Variants in CEMIP observed in about 807,000 individuals in gnomAD.
CEMIP encodes the protein cell migration inducing hyaluronidase 1.
In CEMIP, 105 loss-of-function variants were observed where a neutral mutation model predicts 156.9. The ratio of observed to expected loss-of-function variants is 0.67; its 90% CI spans 0.57 to 0.79. CEMIP has a LOEUF of 0.79. Among genes scored for constraint, CEMIP ranks in the 30% least tolerant of loss-of-function variants. The probability of loss-of-function intolerance (pLI) is 0.00; values close to 1 mark genes in which losing one functional copy is unlikely to be tolerated. For missense variants in CEMIP, 1,457 were observed against 1,769.4 expected, an observed-to-expected ratio of 0.82 and a Z score of 3.17; for synonymous variants, 676 against 668.4, an observed-to-expected ratio of 1.01 and a Z score of -0.17.
rs144868917 is a variant in CEMIP at position 80,808,344 on chromosome 15, C to T, written c.-176+28730C>T. Among the ~76,000 whole-genome samples the T allele has an allele frequency of 2.5e-3, 381 of 152,258 alleles. 2 individuals are homozygous for T. Among genetic ancestry groups the T allele is most frequent in the African/African-American group, 8.2e-3 (342 of 41,550 alleles). Reference sequence around the variant, plus strand: ...TGTAAATGGAAGGTATTACATACAGCGCATCTGCCCCCCACTGCCCCCACT... The same window carrying T: ...TGTAAATGGAAGGTATTACATACAGTGCATCTGCCCCCCACTGCCCCCACT... On this transcript the variant is annotated intron_variant, in intron 1 of 29. Transcript: ENST00000394685.
intron 1 of CEMIP, among the ~76,000 whole-genome samples, chr15:80,798,350 T>G (rs1896286188): frequency 6.6e-6 from 1 of 152,200 alleles, no homozygotes; most frequent in South Asian, 2.1e-4. Context: ...AACATCAAAT[T>G]TTTCTAAATT....
At chr15:80,783,375 C>A (rs1895845897) in intron 1 of CEMIP, among the ~76,000 whole-genome samples, 1 of 152,138 alleles carries the variant, frequency 6.6e-6, no homozygotes, top group East Asian at 1.9e-4. Flanking sequence ...TGGCACATAC[C>A]CAGGTGTTTG....
chr15:80,923,717 A>T (rs1300893954), intron 17 of CEMIP, among the ~76,000 whole-genome samples: 4 of 152,134 alleles, frequency 2.6e-5, no homozygotes. Flanking sequence ...TTGACTCCAC[A>T]TCCACAGTGA....
At chr15:80,921,971 G>A (rs1307838243) in intron 16 of CEMIP, 38 bp from the exon 17 acceptor site, 4 of 1,613,354 alleles carry the variant, frequency 2.5e-6, no homozygotes, top group Non-Finnish European at 3.4e-6. Context: ...CTCTGGGGCT[G>A]AACGCTGTGG....
At chr15:80,843,729 T>C (rs1008188670) in intron 1 of CEMIP, among the ~76,000 whole-genome samples, 2 of 152,204 alleles carry the variant, frequency 1.3e-5, no homozygotes, top group Non-Finnish European at 2.9e-5. Context: ...TCCATCTCTA[T>C]CAGCTCATGG....
At chr15:80,884,094 C>T (rs945255480) in intron 6 of CEMIP, 81 bp from the exon 7 acceptor site, 23 of 1,359,218 alleles carry the variant, frequency 1.7e-5, no homozygotes, top group Admixed American at 1.3e-4. Context: ...TGTTAGCTGT[C>T]GCAGCACAGG....
chr15:80,801,130 T>C (rs1896365473), intron 1 of CEMIP, among the ~76,000 whole-genome samples: 1 of 152,244 alleles, frequency 6.6e-6, no homozygotes, highest in South Asian at 2.1e-4. Flanking sequence ...TCCCCTTCTC[T>C]GTGAAGAGTT....
At chr15:80,941,114 G>A (rs1901319051) in intron 25 of CEMIP, among the ~76,000 whole-genome samples, 1 of 152,148 alleles carries the variant, frequency 6.6e-6, no homozygotes, top group African/African-American at 2.4e-5. Context: ...GGGCATTGTG[G>A]TGCAAACCCA....
chr15:80,903,099 C>T (rs550299761), intron 12 of CEMIP: 1 of 152,352 alleles, frequency 6.6e-6, no homozygotes, highest in Middle Eastern at 3.4e-3. Context: ...TATCTTACCT[C>T]TGCAGCCACG....
At position 80,922,005 on chromosome 15, in the gene CEMIP, A is replaced by T. The variant is rs1900491161; in HGVS notation, c.2074-4A>T. ...GGCTTTTCCCTTGTGTCCTTCCCCA[A>T]CAGGAAACTGGATTTTGGTTTATTT... is the stretch of plus-strand genomic sequence containing the variant. On this transcript the variant is annotated splice_polypyrimidine_tract_variant and splice_region_variant and intron_variant, in intron 16 of 29. Transcript: ENST00000394685. 1.2e-6 allele frequency: 2 copies of T among 1,614,020 alleles called. No homozygotes were observed. Among genetic ancestry groups the T allele is most frequent in the Admixed American group, 3.3e-5 (2 of 60,008 alleles).
At chr15:80,865,458 G>A (rs1477656829) in intron 1 of CEMIP, among the ~76,000 whole-genome samples, 2 of 152,110 alleles carry the variant, frequency 1.3e-5, no homozygotes, top group Admixed American at 6.5e-5. Flanking sequence ...GGGATTATAG[G>A]CGTGAGCCAC....
rs567981792 is a variant in CEMIP, at chr15:80,929,139, C to T, written c.2577C>T (p.Gly859=). Residue 859 remains glycine (G), a synonymous_variant, in exon 21 of 30, where the codon GGC becomes GGT. Transcript: ENST00000394685. ...MMDNRIWGPG[G]LDHSGRTLPI... is the part of the protein sequence containing the mutation. ...ACAATAGGATCTGGGGCCCTGGCGG[C>T]TTGGACCATAGCGGAAGGACCCTCC... 6.2e-6 allele frequency: 10 copies of T among 1,614,094 alleles called. No individual in the cohort carries two copies. The highest frequency in any genetic ancestry group is 8.5e-6 in the Non-Finnish European group (10 of 1,180,042).
intron 1 of CEMIP, among the ~76,000 whole-genome samples, chr15:80,780,472 C>A (rs559205759): frequency 3.4e-4 from 52 of 152,330 alleles, no homozygotes; most frequent in African/African-American, 1.1e-3. Flanking sequence ...CGCCCTGGGT[C>A]CTCAGCCGCA....
intron 1 of CEMIP, among the ~76,000 whole-genome samples, chr15:80,845,464 T>C (rs888632228): frequency 2.6e-5 from 4 of 152,194 alleles, no homozygotes; most frequent in African/African-American, 9.7e-5. Flanking sequence ...TGAGCAAATA[T>C]GGTGCTACAT....
At chr15:80,782,054 G>A (rs1232764967) in intron 1 of CEMIP, among the ~76,000 whole-genome samples, 1 of 152,162 alleles carries the variant, frequency 6.6e-6, no homozygotes, top group African/African-American at 2.4e-5. Flanking sequence ...AAGACAAATG[G>A]AAGAACTTTT....
chr15:80,832,575 C>T (rs1897181160), intron 1 of CEMIP, among the ~76,000 whole-genome samples: 1 of 152,068 alleles, frequency 6.6e-6, no homozygotes, highest in Admixed American at 6.5e-5. Flanking sequence ...TCATACATGT[C>T]AGGATTTGCC....
chr15:80,787,016 T>C (rs1895957453), intron 1 of CEMIP, among the ~76,000 whole-genome samples: 1 of 152,204 alleles, frequency 6.6e-6, no homozygotes, highest in African/African-American at 2.4e-5. Context: ...GCAAGTCAGA[T>C]AGACAGGAAT....
At chr15:80,781,849 A>G (rs1895806922) in intron 1 of CEMIP, among the ~76,000 whole-genome samples, 1 of 152,236 alleles carries the variant, frequency 6.6e-6, no homozygotes, top group East Asian at 1.9e-4. Flanking sequence ...TTTAAATGGT[A>G]GCAATTACAG....
Position 80,878,836 on chromosome 15 carries a change from C to A in CEMIP, c.210C>A (p.Ala70=), listed in dbSNP as rs1033692711. The A allele has an allele frequency of 1.9e-6, 3 of 1,614,194 alleles. No individual in the cohort carries two copies. The highest frequency in any genetic ancestry group is 2.5e-6 in the Non-Finnish European group (3 of 1,180,022). ...AGACACTGCTGCTCACCTCTTCTGC[C>A]ACGGTCTATTCCATCCACATCTCAG... is the stretch of plus-strand genomic sequence containing the variant. The part of the protein sequence containing the change: ...QGKTLLLTSS[A]TVYSIHISEG... Residue 70 remains alanine (A), a synonymous_variant, in exon 4 of 30, where the codon GCC becomes GCA. Transcript: ENST00000394685.
Sources: allele counts gnomAD v4.1 joint callset (sites outside exome capture counted in the v4.1 genomes callset), GRCh38; gene constraint gnomAD v4.1.1; transcripts MANE v1.5; gene names NCBI Gene and HGNC (gene_info 2026-07-23, HGNC 2026-07-21).